Variants in CPB2 observed in about 807,000 individuals in gnomAD.
CPB2 encodes carboxypeptidase B2, also known as carboxypeptidase B-like protein.
Under a neutral mutation model 57.0 loss-of-function variants are expected in CPB2, and 54 were observed. That is an observed-to-expected ratio of 0.95 (90% CI 0.76 to 1.19). CPB2 has a LOEUF of 1.19. Among genes scored for constraint, CPB2 ranks in the 50% most tolerant of loss-of-function variants. The probability of loss-of-function intolerance (pLI) is 0.00; values close to 1 mark genes in which losing one functional copy is unlikely to be tolerated. For synonymous variants in CPB2, 189 were observed against 178.1 expected, an observed-to-expected ratio of 1.06 and a Z score of -0.49; for missense variants, 426 against 512.0, an observed-to-expected ratio of 0.83 and a Z score of 1.62.
intron 6 of CPB2, among the ~76,000 whole-genome samples, chr13:46,072,100 T>A (rs1343991653): frequency 8.5e-5 from 13 of 152,134 alleles, no homozygotes; most frequent in Non-Finnish European, 1.9e-4. Context: ...AAGAGAAGGA[T>A]CTAAATTTGC....
At position 46,082,470 on chromosome 13, in the gene CPB2, A is replaced by G. The variant is rs1474834057; in HGVS notation, c.355T>C (p.Tyr119His). 3 of 1,613,006 alleles carry G rather than the reference A, an allele frequency of 1.9e-6. No individual in the cohort carries two copies. In the African/African-American group the frequency reaches 4.0e-5, roughly 22 times the overall value. The stretch of plus-strand genomic sequence containing the variant: ...TTTAGTGAGTGATACTGTTCATAGT[A>G]CGATGCGGAGGCTCGGGGGCTGACT... ...DTVSPRASAS[Y>H]YEQYHSLNEI... is the part of the protein sequence containing the mutation. Residue 119 changes from tyrosine to histidine, a missense_variant, in exon 4 of 11, where the codon TAC becomes CAC. By Grantham distance (83) the Tyr-to-His change is moderately conservative. Coordinates refer to ENST00000181383, the MANE Select transcript of CPB2 (RefSeq NM_001872.5).
chr13:46,073,960 T>C lies in CPB2; in HGVS notation c.504A>G (p.Gln168=). 1.4e-5 allele frequency: 22 copies of C among 1,583,272 alleles called. No individual in the cohort carries two copies. Among genetic ancestry groups the C allele is most frequent in the Non-Finnish European group, 1.7e-5 (20 of 1,155,940 alleles). ...LYVLKVSGKE[Q]AAKNAIWIDC... ...CAATCCATATGGCATTTTTGGCTGC[T>C]TGTTCTTTTCCAGAAACCTGCTCAA... The change falls in exon 6 of 11, where the codon CAA becomes CAG. Residue 168 remains glutamine (Q), a synonymous_variant. Coordinates refer to ENST00000181383, the MANE Select transcript of CPB2 (RefSeq NM_001872.5).
intron 2 of CPB2, among the ~76,000 whole-genome samples, chr13:46,084,995 C>T (rs1239498831): frequency 6.6e-6 from 1 of 151,790 alleles, no homozygotes; most frequent in Admixed American, 6.6e-5. Flanking sequence ...GGACTACAGG[C>T]GCCCGCCACC....
chr13:46,079,314 C>A (rs1382809325), intron 4 of CPB2, among the ~76,000 whole-genome samples: 2 of 152,050 alleles, frequency 1.3e-5, no homozygotes, highest in Non-Finnish European at 2.9e-5. Flanking sequence ...TTAGCACTGT[C>A]TTCATGCAGG....
chr13:46,082,461 G>A lies in CPB2; in HGVS notation c.364C>T (p.Gln122Ter), dbSNP rs751480044. The A allele has an allele frequency of 3.7e-6, 6 of 1,611,080 alleles. No homozygotes were observed. In the African/African-American group the frequency reaches 8.0e-5, roughly 22 times the overall value. ...SPRASASYYE[Q>*]YHSLNEIYSW... Reference sequence around the variant, plus strand: ...CTTACTTCATTTAGTGAGTGATACTGTTCATAGTACGATGCGGAGGCTCGG... The same window carrying A: ...CTTACTTCATTTAGTGAGTGATACTATTCATAGTACGATGCGGAGGCTCGG... Residue 122 changes from glutamine to a stop codon, truncating the protein, a stop_gained, in exon 4 of 11, where the codon CAG becomes TAG. Transcript: ENST00000181383. LOFTEE classifies it high-confidence loss of function.
chr13:46,098,678 C>A (rs988339328), intron 1 of CPB2: 1 of 152,360 alleles, frequency 6.6e-6, no homozygotes, highest in South Asian at 2.1e-4. Context: ...GTACAATCCA[C>A]ACCCAGTGAC....
At chr13:46,061,418 G>A (rs1593883824) in intron 8 of CPB2, among the ~76,000 whole-genome samples, 1 of 152,268 alleles carries the variant, frequency 6.6e-6, no homozygotes, top group South Asian at 2.1e-4. Context: ...GAAGCCCTAA[G>A]CCCCAATGTG....
chr13:46,077,616 C>T (rs764784212), intron 5 of CPB2, among the ~76,000 whole-genome samples: 1 of 152,080 alleles, frequency 6.6e-6, no homozygotes, highest in Non-Finnish European at 1.5e-5. Flanking sequence ...CAAAAAGATA[C>T]CTGCACTCCC....
intron 1 of CPB2, among the ~76,000 whole-genome samples, chr13:46,104,461 T>C (rs1005017624): frequency 6.6e-6 from 1 of 152,202 alleles, no homozygotes; most frequent in African/African-American, 2.4e-5. Context: ...ATCACACAAC[T>C]CTTCTTCCTT....
intron 8 of CPB2, among the ~76,000 whole-genome samples, chr13:46,062,025 G>GTT (rs5803326): frequency 2.4e-5 from 3 of 124,482 alleles, no homozygotes; most frequent in East Asian, 2.2e-4. Context: ...TTTTTATTTG[G>GTT]TTTTTTTTTT....
intron 5 of CPB2, among the ~76,000 whole-genome samples, chr13:46,076,123 A>C (rs2045018401): frequency 1.3e-5 from 2 of 152,202 alleles, no homozygotes. Flanking sequence ...TAGTTTCAAA[A>C]GCTGTACCAG....
chr13:46,066,166 T>G (rs1473954220), intron 7 of CPB2, among the ~76,000 whole-genome samples: 1 of 152,244 alleles, frequency 6.6e-6, no homozygotes, highest in African/African-American at 2.4e-5. Context: ...CCAACTAATC[T>G]TATTCCTCTT....
At chr13:46,084,067 C>G in intron 3 of CPB2, 152 bp downstream of exon 3, 1 of 896,904 alleles carries the variant, frequency 1.1e-6, no homozygotes, top group Non-Finnish European at 1.7e-6. Flanking sequence ...GGACCTTAGG[C>G]TTTATCACCA....
At chr13:46,093,551 A>C (rs182125991) in intron 1 of CPB2, among the ~76,000 whole-genome samples, 16 of 152,358 alleles carry the variant, frequency 1.1e-4, no homozygotes, top group African/African-American at 3.8e-4. Context: ...AGTTTGATTT[A>C]TAACAGTTAA....
At chr13:46,066,177 A>G (rs190867335) in intron 7 of CPB2, among the ~76,000 whole-genome samples, 2 of 152,320 alleles carry the variant, frequency 1.3e-5, no homozygotes, top group Non-Finnish European at 1.5e-5. Flanking sequence ...TATTCCTCTT[A>G]GTATTTATAT....
chr13:46,053,405 T>C lies in CPB2; in HGVS notation c.*209A>G, dbSNP rs1299789481. Reference sequence around the variant, plus strand: ...AAGAAAAAGTAGGTAACTAGACTTTTACAATTTTTTTTAAAGGGTAAAAAG... The same window carrying C: ...AAGAAAAAGTAGGTAACTAGACTTTCACAATTTTTTTTAAAGGGTAAAAAG... On this transcript the variant is annotated 3_prime_UTR_variant, in exon 11 of 11. Transcript: ENST00000181383. 4.7e-6 allele frequency: 3 copies of C among 641,708 alleles called. No homozygotes were observed. The highest frequency in any genetic ancestry group is 3.7e-5 in the African/African-American group (2 of 54,068). 39.8% of individuals were successfully genotyped at this position (641,708 alleles called of 1,614,324 possible).
chr13:46,068,529 T>C (rs981371755), intron 6 of CPB2, among the ~76,000 whole-genome samples: 1 of 152,162 alleles, frequency 6.6e-6, no homozygotes, highest in Non-Finnish European at 1.5e-5. Flanking sequence ...GGAAGCCATG[T>C]TTTGTTTTTT....
chr13:46,104,042 C>G (rs1369383515), intron 1 of CPB2, among the ~76,000 whole-genome samples: 2 of 152,222 alleles, frequency 1.3e-5, no homozygotes, highest in Non-Finnish European at 2.9e-5. Flanking sequence ...CAGCTTCAGG[C>G]TCACAAGTCA....
chr13:46,093,086 T>C (rs2139414919), intron 1 of CPB2, among the ~76,000 whole-genome samples: 1 of 152,220 alleles, frequency 6.6e-6, no homozygotes, highest in Admixed American at 6.5e-5. Flanking sequence ...CTAATTTTTG[T>C]ATTTTTAGTA....
Sources: gnomAD v4.1 joint callset for allele counts (sites outside exome capture counted in the v4.1 genomes callset) on GRCh38, gnomAD v4.1.1 for gene constraint, MANE v1.5 for transcripts, NCBI Gene and HGNC (gene_info 2026-07-23, HGNC 2026-07-21) for gene names.